PDS5A: variants seen among roughly 807,000 people sequenced by gnomAD.
The protein encoded by PDS5A is sister chromatid cohesion protein PDS5 homolog A.
PDS5A carries 42 observed loss-of-function variants against 167.1 expected under a neutral mutation model. The observed-to-expected ratio is 0.25, with a 90% confidence interval of 0.20 to 0.33. The LOEUF (loss-of-function observed/expected upper bound fraction) is 0.33. Ranked by LOEUF, PDS5A falls within the 10% of genes least tolerant of loss-of-function variation. The pLI, the probability that PDS5A is intolerant of heterozygous loss-of-function variation, is 1.00. For synonymous variants in PDS5A, 553 were observed against 554.6 expected (o/e 1.00, Z 0.04); for missense variants, 1,033 against 1,605.9 (o/e 0.64, Z 6.10).
chr4:39,976,336 G>T (rs1731077722), intron 2 of PDS5A, 104 bp downstream of exon 2: 1 of 865,446 alleles, frequency 1.2e-6, no homozygotes. Flanking sequence ...GGGGGTAAGA[G>T]ATCTAAAAAA....
intron 31 of PDS5A, among the ~76,000 whole-genome samples, chr4:39,839,062 G>A (rs890678116): frequency 6.6e-6 from 1 of 152,020 alleles, no homozygotes; most frequent in African/African-American, 2.4e-5. Flanking sequence ...AACTCTCAAT[G>A]TAACTCAATG....
At chr4:39,970,402 A>G (rs2109824935) in intron 2 of PDS5A, among the ~76,000 whole-genome samples, 1 of 151,766 alleles carries the variant, frequency 6.6e-6, no homozygotes, top group East Asian at 1.9e-4. Flanking sequence ...ATTATTGTCA[A>G]CGAAGCTTCA....
chr4:39,957,641 C>A (rs1729058377), intron 2 of PDS5A, among the ~76,000 whole-genome samples: 1 of 151,914 alleles, frequency 6.6e-6, no homozygotes, highest in African/African-American at 2.4e-5. Context: ...AAAAAATTAG[C>A]CGGGCGTGGT....
chr4:39,859,076 T>C (rs1349491868), intron 26 of PDS5A, among the ~76,000 whole-genome samples: 1 of 152,080 alleles, frequency 6.6e-6, no homozygotes, highest in African/African-American at 2.4e-5. Context: ...TAAAGAACTC[T>C]TACAACTCAA....
At chr4:39,851,704 AAATAT>A (rs1177094983) in intron 26 of PDS5A, among the ~76,000 whole-genome samples, 1 of 152,228 alleles carries the variant, frequency 6.6e-6, no homozygotes, top group Admixed American at 6.5e-5. Flanking sequence ...TACACAAAAT[AAATAT>A]AATAAACATT....
intron 20 of PDS5A, 40 bp downstream of exon 20, chr4:39,874,249 A>G: frequency 6.4e-7 from 1 of 1,555,504 alleles, no homozygotes; most frequent in Non-Finnish European, 8.8e-7. Flanking sequence ...AGCTTAAAAA[A>G]TAAAGACCAA....
intron 2 of PDS5A, among the ~76,000 whole-genome samples, chr4:39,968,126 T>A (rs184088265): frequency 3.9e-5 from 6 of 152,200 alleles, no homozygotes; most frequent in African/African-American, 1.4e-4. Flanking sequence ...TTTATTTTTT[T>A]AATTTTTATT....
chr4:39,920,381 A>C lies in PDS5A; in HGVS notation c.673T>G (p.Phe225Val). Reference sequence around the variant, plus strand: ...TTCAATAGCACTTTTGCAAGGTCAAAGGACTGTTTATTTAAGTTCTGAAAA... The same window carrying C: ...TTCAATAGCACTTTTGCAAGGTCAACGGACTGTTTATTTAAGTTCTGAAAA... ...PAHKNLNKQS[F>V]DLAKVLLKRT... is the part of the protein sequence containing the mutation. Residue 225 changes from phenylalanine (F) to valine (V), a missense_variant, in exon 7 of 33, where the codon TTT becomes GTT. Around this residue, in one of 4 missense-constraint regions of PDS5A, gnomAD observed 388 missense variants for 615.1 expected, o/e 0.63. Transcript: ENST00000303538. 6.5e-7 allele frequency: 1 copy of C among 1,532,828 alleles called. No homozygotes were observed. The highest frequency in any genetic ancestry group is 9.0e-7 in the Non-Finnish European group (1 of 1,112,712). The allele number at this position is 1,532,828 out of a possible 1,614,324, so 95.0% of individuals were successfully genotyped here.
chr4:39,863,101 G>T, intron 24 of PDS5A, 28 bp from the exon 25 acceptor site: 1 of 1,533,302 alleles, frequency 6.5e-7, no homozygotes, highest in Non-Finnish European at 9.0e-7. Flanking sequence ...AACTTAAATT[G>T]GCAACCATTT....
chr4:39,913,055 T>C (rs1006372367), intron 9 of PDS5A, among the ~76,000 whole-genome samples: 1 of 151,664 alleles, frequency 6.6e-6, no homozygotes, highest in Non-Finnish European at 1.5e-5. Context: ...ACTTAGAATA[T>C]ACTGCAATGC....
intron 16 of PDS5A, among the ~76,000 whole-genome samples, chr4:39,896,026 G>T (rs1428384526): frequency 9.5e-4 from 126 of 132,994 alleles, no homozygotes; most frequent in East Asian, 4.4e-3. Context: ...ACCTGGCCCG[G>T]TTTTTTTTTT....
intron 16 of PDS5A, among the ~76,000 whole-genome samples, chr4:39,897,492 G>A (rs1400956147): frequency 2.6e-5 from 4 of 152,058 alleles, no homozygotes; most frequent in East Asian, 1.9e-4. Context: ...TCCACCTCCC[G>A]AGTTCAAGCA....
chr4:39,904,802 T>C (rs2109663496), intron 11 of PDS5A, among the ~76,000 whole-genome samples: 1 of 152,370 alleles, frequency 6.6e-6, no homozygotes, highest in Non-Finnish European at 1.5e-5. Context: ...TACCTAGAAC[T>C]ACAGGTTACT....
intron 26 of PDS5A, among the ~76,000 whole-genome samples, chr4:39,856,662 A>G (rs4974950): frequency 0.097 from 14,788 of 152,004 alleles, 877 homozygotes; most frequent in East Asian, 0.22. Context: ...CTAAAAATAC[A>G]AAAATTAGCC....
At chr4:39,859,525 T>C (rs534842853) in intron 26 of PDS5A, among the ~76,000 whole-genome samples, 6 of 152,324 alleles carry the variant, frequency 3.9e-5, no homozygotes, top group African/African-American at 1.4e-4. Context: ...GGAAATGATT[T>C]CAGCAAGATA....
At chr4:39,962,367 T>A (rs1457842466) in intron 2 of PDS5A, among the ~76,000 whole-genome samples, 2 of 152,106 alleles carry the variant, frequency 1.3e-5, no homozygotes, top group African/African-American at 4.8e-5. Flanking sequence ...CTTCCTGAGT[T>A]TTTAAGGAAA....
At chr4:39,870,491 G>T (rs894576916) in intron 21 of PDS5A, among the ~76,000 whole-genome samples, 18 of 152,250 alleles carry the variant, frequency 1.2e-4, no homozygotes, top group African/African-American at 4.1e-4. Flanking sequence ...GGAGGCTGAG[G>T]CAGGAGATAT....
chr4:39,844,879 A>G, intron 29 of PDS5A, 78 bp from the exon 30 acceptor site: 1 of 1,410,434 alleles, frequency 7.1e-7, no homozygotes, highest in Non-Finnish European at 9.5e-7. Context: ...TTTAGACACA[A>G]GTAAGAGATA....
At chr4:39,927,899 A>T in intron 3 of PDS5A, 62 bp downstream of exon 3, 1 of 1,127,014 alleles carries the variant, frequency 8.9e-7, no homozygotes, top group Non-Finnish European at 1.3e-6. Flanking sequence ...ATAAAAATAA[A>T]AGTATACCTT....
Sources: gnomAD v4.1 joint callset for allele counts (sites outside exome capture counted in the v4.1 genomes callset) on GRCh38, gnomAD v4.1.1 for gene constraint, gnomAD v4.1.1 regional missense constraint, MANE v1.5 for transcripts, NCBI Gene and HGNC (gene_info 2026-07-23, HGNC 2026-07-21) for gene names.